The following PLEKHG3 variants were observed in gnomAD, a reference collection of about 807,000 sequenced individuals.
The protein encoded by PLEKHG3 is pleckstrin homology domain-containing family G member 3.
In PLEKHG3, 62 loss-of-function variants were observed where a neutral mutation model predicts 94.9. The observed-to-expected ratio is 0.65, with a 90% CI of 0.53 to 0.81. PLEKHG3 has a LOEUF of 0.81. Ranked by LOEUF, PLEKHG3 falls within the 30% of genes least tolerant of loss-of-function variation. The pLI is 0.00. For synonymous variants in PLEKHG3, 614 were observed against 654.0 expected (o/e 0.94, Z 0.93); for missense variants, 1,461 against 1,619.3 (o/e 0.90, Z 1.68).
chr14:64,717,041 G>A lies in PLEKHG3; in HGVS notation c.-39-10552G>A, dbSNP rs1052940143. The stretch of plus-strand genomic sequence containing the variant: ...AGCTATGGGTAGAGAGGGGCCCCCT[G>A]GGCCCTGTAGGATAGGGGAAGTGTG... On this transcript the variant is annotated intron_variant, in intron 1 of 16. Coordinates refer to ENST00000247226, the MANE Select transcript of PLEKHG3 (RefSeq NM_001308147.2). The surrounding 1 kb of genome is among the most constrained non-coding windows in gnomAD (Gnocchi z 4.7). 4.6e-5 allele frequency among the ~76,000 whole-genome samples: 7 copies of A among 152,162 alleles called. No individual in the cohort carries two copies. The highest frequency in any genetic ancestry group is 1.7e-4 in the African/African-American group (7 of 41,432).
intron 1 of PLEKHG3, among the ~76,000 whole-genome samples, chr14:64,707,078 G>A (rs1181856648): frequency 1.3e-5 from 2 of 152,184 alleles, no homozygotes. Flanking sequence ...CCACTGCTCT[G>A]TCCCGCCTCT....
In PLEKHG3 at chr14:64,725,619, A is replaced by C. The variant is rs1018086181; in HGVS notation, c.-39-1974A>C. ...ATTCCCAGGGGGCTCTCTTCTGAGCAGCTCAAAGAGCTTTACCAAAATGAT... is the reference window on the plus strand; with the variant it reads ...ATTCCCAGGGGGCTCTCTTCTGAGCCGCTCAAAGAGCTTTACCAAAATGAT... On this transcript the variant is annotated intron_variant, in intron 1 of 16. Transcript: ENST00000247226. This position sits in a 1 kb window ranked among gnomAD's most constrained non-coding sequence, Gnocchi z 5.0. Among the ~76,000 whole-genome samples, 8 of 152,232 alleles carry C rather than the reference A, an allele frequency of 5.3e-5. No individual in the cohort carries two copies. In the East Asian group the frequency reaches 5.8e-4, roughly 11 times the overall value.
chr14:64,737,298 C>T (rs1415557742), intron 13 of PLEKHG3, 58 bp from the exon 14 acceptor site: 1 of 1,371,356 alleles, frequency 7.3e-7, no homozygotes, highest in South Asian at 1.2e-5. Flanking sequence ...TGATCTCTTC[C>T]CCTCCCCTCC....
rs1289245481 is a variant in PLEKHG3 at position 64,725,929 on chromosome 14, G to A, written c.-39-1664G>A. Among the ~76,000 whole-genome samples the A allele has an allele frequency of 6.6e-6, 1 of 152,182 alleles. No homozygotes were observed. Among genetic ancestry groups the A allele is most frequent in the Admixed American group, 6.5e-5 (1 of 15,280 alleles). ...TGGCCCTTAAGACCCCTGCTTTTTA[G>A]TAACTAATGGTGTAGGGCAGAGGGT... On this transcript the variant is annotated intron_variant, in intron 1 of 16. Transcript: ENST00000247226. The surrounding 1 kb of genome is among the most constrained non-coding windows in gnomAD (Gnocchi z 5.0).
chr14:64,717,312 A>G lies in PLEKHG3; in HGVS notation c.-39-10281A>G, dbSNP rs1171574655. On this transcript the variant is annotated intron_variant, in intron 1 of 16. Coordinates refer to ENST00000247226, the MANE Select transcript of PLEKHG3 (RefSeq NM_001308147.2). The surrounding 1 kb of genome is among the most constrained non-coding windows in gnomAD (Gnocchi z 4.7). ...CGAGGCCTGAGGGAGGGGGAAGGCC[A>G]GGGTTGTCTACATAACTTTCTGGGT... Among the ~76,000 whole-genome samples the G allele has an allele frequency of 1.3e-5, 2 of 152,218 alleles. No individual in the cohort carries two copies. The highest frequency in any genetic ancestry group is 2.9e-5 in the Non-Finnish European group (2 of 68,028).
chr14:64,724,380 C>T (rs2081317048), intron 1 of PLEKHG3, among the ~76,000 whole-genome samples: 1 of 152,042 alleles, frequency 6.6e-6, no homozygotes, highest in South Asian at 2.1e-4. Context: ...GGCTCTTTTC[C>T]AGCAAGTCCT....
chr14:64,723,568 T>C lies in PLEKHG3; in HGVS notation c.-39-4025T>C, dbSNP rs568864482. 6.6e-6 allele frequency among the ~76,000 whole-genome samples: 1 copy of C among 152,224 alleles called. No homozygotes were observed. Among genetic ancestry groups the C allele is most frequent in the Admixed American group, 6.5e-5 (1 of 15,302 alleles). ...CAGGCTGGAGTACAGTGGCGCGATC[T>C]CAGCTCACTGAAACATCTGCCTTCC... On this transcript the variant is annotated intron_variant, in intron 1 of 16. Coordinates refer to ENST00000247226, the MANE Select transcript of PLEKHG3 (RefSeq NM_001308147.2). The surrounding 1 kb of genome is among the most constrained non-coding windows in gnomAD (Gnocchi z 4.5).
chr14:64,732,935 C>A lies in PLEKHG3; in HGVS notation c.1345+34C>A. On this transcript the variant is annotated intron_variant, in intron 12 of 16. Coordinates refer to ENST00000247226, the MANE Select transcript of PLEKHG3 (RefSeq NM_001308147.2). This position sits in a 1 kb window ranked among gnomAD's most constrained non-coding sequence, Gnocchi z 4.9. ...AGGGCTGTGGAGGCAGGAGGCCTCT[C>A]CCTCACACCCTTGCCCAGACTGGGG... 2 of 1,323,622 alleles carry A rather than the reference C, an allele frequency of 1.5e-6. No individual in the cohort carries two copies. The highest frequency in any genetic ancestry group is 2.1e-6 in the Non-Finnish European group (2 of 931,614). 82.0% of individuals were successfully genotyped at this position (1,323,622 alleles called of 1,614,324 possible). A position where few individuals can be genotyped will look rare whatever the true frequency, so the allele number is the denominator to read the frequency against.
Position 64,738,246 on chromosome 14 carries a change from C to T in PLEKHG3, c.1405-496C>T, listed in dbSNP as rs2081615189. On this transcript the variant is annotated intron_variant, in intron 14 of 16. Transcript: ENST00000247226. The surrounding 1 kb of genome is among the most constrained non-coding windows in gnomAD (Gnocchi z 4.8). The stretch of plus-strand genomic sequence containing the variant: ...TATGGTGAGGTGTCTCTTCGATCTC[C>T]CCTCCTCCTTGCATGCTCCCTGGGA... 1 of 1,272,678 alleles carries T rather than the reference C, an allele frequency of 7.9e-7. No individual in the cohort carries two copies. The highest frequency in any genetic ancestry group is 1.0e-6 in the Non-Finnish European group (1 of 975,452). The allele number at this position is 1,272,678 out of a possible 1,614,324, so 78.8% of individuals were successfully genotyped here.
rs1297758290 is a variant in PLEKHG3, at chr14:64,730,757, A to G, written c.567-42A>G. On this transcript the variant is annotated intron_variant, in intron 5 of 16. Coordinates refer to ENST00000247226, the MANE Select transcript of PLEKHG3 (RefSeq NM_001308147.2). This position sits in a 1 kb window ranked among gnomAD's most constrained non-coding sequence, Gnocchi z 5.4. ...TCCAGAGCCCCCCACTTCCTCATCC[A>G]GGCCTTCCCCAGGTGGTGACTGGCC... 1.2e-6 allele frequency: 2 copies of G among 1,612,642 alleles called. No homozygotes were observed. The highest frequency in any genetic ancestry group is 1.7e-5 in the Admixed American group (1 of 59,974).
In PLEKHG3 at chr14:64,731,239, C is replaced by A. The variant is rs984116730; in HGVS notation, c.849+70C>A. On this transcript the variant is annotated intron_variant, in intron 7 of 16. Coordinates refer to ENST00000247226, the MANE Select transcript of PLEKHG3 (RefSeq NM_001308147.2). This position sits in a 1 kb window ranked among gnomAD's most constrained non-coding sequence, Gnocchi z 6.1. ...GCCAGGCTTCCGCTGGGAAGAGGGA[C>A]TGTGGCCACCCTGCTGGGATGAGCT... The A allele has an allele frequency of 6.7e-6, 10 of 1,491,138 alleles. 1 individual carries two copies. In the Middle Eastern group the frequency reaches 1.1e-3, roughly 168 times the overall value. The allele number at this position is 1,491,138 out of a possible 1,614,324, so 92.4% of individuals were successfully genotyped here. A position where few individuals can be genotyped will look rare whatever the true frequency, so the allele number is the denominator to read the frequency against.
At chr14:64,742,515 G>T in intron 16 of PLEKHG3, 60 bp downstream of exon 16, 2 of 1,291,064 alleles carry the variant, frequency 1.5e-6, no homozygotes, top group Non-Finnish European at 1.1e-6. Context: ...AGTCAATAAG[G>T]AGCCACTTGG....
chr14:64,727,557 C>A lies in PLEKHG3; in HGVS notation c.-39-36C>A. 1 of 520,994 alleles carries A rather than the reference C, an allele frequency of 1.9e-6. No individual in the cohort carries two copies. Among genetic ancestry groups the A allele is most frequent in the Non-Finnish European group, 3.4e-6 (1 of 293,436 alleles). The allele number at this position is 520,994 out of a possible 1,614,324, so 32.3% of individuals were successfully genotyped here. ...CCTCTGTTCTGTTTCTGTGGGCATT[C>A]AGAGGTTGACCCTTCATCTGTCTGT... On this transcript the variant is annotated intron_variant, in intron 1 of 16. Transcript: ENST00000247226. This position sits in a 1 kb window ranked among gnomAD's most constrained non-coding sequence, Gnocchi z 6.0.
In PLEKHG3 at chr14:64,742,497, G is replaced by A. The variant is rs184707450; in HGVS notation, c.2938+42G>A. The A allele has an allele frequency of 9.3e-3, 13,428 of 1,445,786 alleles. 87 individuals are homozygous for A. The highest frequency in any genetic ancestry group is 0.02 in the Middle Eastern group (101 of 5,088). 89.6% of individuals were successfully genotyped at this position (1,445,786 alleles called of 1,614,324 possible). A position where few individuals can be genotyped will look rare whatever the true frequency, so the allele number is the denominator to read the frequency against. The stretch of plus-strand genomic sequence containing the variant: ...AAGTGGGCCCTTCCCCAAGTCTAGG[G>A]ACTGAAGAGTCAATAAGGAGCCACT... On this transcript the variant is annotated intron_variant, in intron 16 of 16. Transcript: ENST00000247226.
chr14:64,740,891 C>G, intron 15 of PLEKHG3, 145 bp from the exon 16 acceptor site: 1 of 642,308 alleles, frequency 1.6e-6, no homozygotes, highest in South Asian at 2.0e-5. Context: ...TCACCTACTC[C>G]TAAGTCGTGC....
At chr14:64,742,766 GC>G (rs898545634) in intron 16 of PLEKHG3, among the ~76,000 whole-genome samples, 5 of 152,186 alleles carry the variant, frequency 3.3e-5, no homozygotes, top group African/African-American at 1.2e-4. Context: ...CTCCCCCTCT[GC>G]CTTTGACTCC....
chr14:64,727,847 G>A lies in PLEKHG3; in HGVS notation c.216G>A (p.Lys72=). The A allele has an allele frequency of 6.2e-7, 1 of 1,613,390 alleles. No individual in the cohort carries two copies. ...ACTCCAGCAGCTGGTTGAACGTGAA[G>A]GGGCCCCTCTCCCCGTTCAACAGCC... The part of the protein sequence containing the change: ...NNNSSSWLNV[K]GPLSPFNSRA... Residue 72 remains lysine, a synonymous_variant, in exon 2 of 17, where the codon AAG becomes AAA. Coordinates refer to ENST00000247226, the MANE Select transcript of PLEKHG3 (RefSeq NM_001308147.2). This position sits in a 1 kb window ranked among gnomAD's most constrained non-coding sequence, Gnocchi z 6.0.
chr14:64,730,719 G>A lies in PLEKHG3; in HGVS notation c.566+31G>A. ...TAATTGGGGTGAGAGGGAAGGCAGA[G>A]CCATTTGGTGAGTCCAGAGCCCCCC... is the stretch of plus-strand genomic sequence containing the variant. On this transcript the variant is annotated intron_variant, in intron 5 of 16. Transcript: ENST00000247226. This position sits in a 1 kb window ranked among gnomAD's most constrained non-coding sequence, Gnocchi z 5.4. 6.2e-7 allele frequency: 1 copy of A among 1,612,820 alleles called. No homozygotes were observed. Among genetic ancestry groups the A allele is most frequent in the Non-Finnish European group, 8.5e-7 (1 of 1,178,828 alleles).
chr14:64,745,072 G>A lies in PLEKHG3; in HGVS notation c.*1369G>A, dbSNP rs186776978. 81 of 152,254 alleles carry A rather than the reference G, an allele frequency of 5.3e-4. 7 individuals are homozygous for A. Among genetic ancestry groups the A allele is most frequent in the East Asian group, 1.9e-4 (1 of 5,174 alleles). The allele number at this position is 152,254 out of a possible 1,614,324, so 9.4% of individuals were successfully genotyped here. A position where few individuals can be genotyped will look rare whatever the true frequency, so the allele number is the denominator to read the frequency against. ...ATTACAGGGGTGAGCCACTGCATGC[G>A]GCTGAAGGTAAGGATTCTAAACTCG... On this transcript the variant is annotated 3_prime_UTR_variant, in exon 17 of 17. Transcript: ENST00000247226. The surrounding 1 kb of genome is among the most constrained non-coding windows in gnomAD (Gnocchi z 5.0).
Sources: gnomAD v4.1 joint callset for allele counts (sites outside exome capture counted in the v4.1 genomes callset) on GRCh38, gnomAD v4.1.1 for gene constraint, Gnocchi (gnomAD v3.1) non-coding constraint, MANE v1.5 for transcripts, NCBI Gene and HGNC (gene_info 2026-07-23, HGNC 2026-07-21) for gene names.